ROS1: variants seen among roughly 807,000 people sequenced by gnomAD.
ROS1 encodes proto-oncogene tyrosine-protein kinase ROS.
A neutral mutation model predicts 273.5 loss-of-function variants in ROS1; 263 were observed. The ratio of observed to expected loss-of-function variants is 0.96; its 90% confidence interval spans 0.87 to 1.06. The LOEUF (loss-of-function observed/expected upper bound fraction) is 1.06. ROS1 is among the 50% of genes least tolerant of loss of function. The probability of loss-of-function intolerance (pLI) is 0.00; values close to 1 mark genes in which losing one functional copy is unlikely to be tolerated. For missense variants in ROS1, 2,833 were observed against 2,751.1 expected (o/e 1.03, Z -0.67); for synonymous variants, 1,008 against 954.1 (o/e 1.06, Z -1.04).
chr6:117,344,186 G>A lies in ROS1; in HGVS notation c.4380C>T (p.Ile1460=), dbSNP rs372696529. ...ILNATNTSLT[I]RLPLAKTNLT... is the part of the protein sequence containing the mutation. ...GGTTTGTCTTGGCCAGAGGTAATCT[G>A]ATTGTGAGGCTAGTGTTAGTGGCAT... The change falls in exon 28 of 44, where the codon ATC becomes ATT. Residue 1460 remains isoleucine, a synonymous_variant. Transcript: ENST00000368507. 33 of 1,613,988 alleles carry A rather than the reference G, an allele frequency of 2.0e-5. No individual in the cohort carries two copies. The African/African-American group carries it at 3.7e-4, about 18-fold the overall frequency.
chr6:117,366,222 A>C lies in ROS1; in HGVS notation c.2651T>G (p.Met884Arg), dbSNP rs763350500. The C allele has an allele frequency of 1.2e-6, 2 of 1,614,100 alleles. No homozygotes were observed. The highest frequency in any genetic ancestry group is 1.7e-6 in the Non-Finnish European group (2 of 1,179,984). Residue 884 changes from methionine (M) to arginine (R), a missense_variant, in exon 19 of 44, where the codon ATG becomes AGG. Met to Arg is a moderately conservative substitution (Grantham distance 91). Transcript: ENST00000368507. ...STSEISQNAL[M>R]YYSGRLFWIN... ...CCAGAACAGCCGACCACTATAGTAC[A>C]TCAGTGCATTCTGGGAAATTTCAGA...
intron 27 of ROS1, among the ~76,000 whole-genome samples, chr6:117,349,762 A>AT (rs1562299890): frequency 6.6e-6 from 1 of 151,824 alleles, no homozygotes; most frequent in East Asian, 1.9e-4. Flanking sequence ...TTTTTCAGTG[A>AT]TTTGCCCTTG....
At chr6:117,307,201 C>T (rs3777955) in intron 42 of ROS1, among the ~76,000 whole-genome samples, 34,112 of 152,016 alleles carry the variant, frequency 0.22, 3,961 homozygotes, top group African/African-American at 0.28. Context: ...TTGTTATTAA[C>T]CCCCCTGCCC....
At chr6:117,318,747 G>T (rs577341155) in intron 37 of ROS1, among the ~76,000 whole-genome samples, 2 of 152,090 alleles carry the variant, frequency 1.3e-5, no homozygotes, top group African/African-American at 2.4e-5. Context: ...GAGGCGGGAA[G>T]GGAGCTTTGA....
chr6:117,358,043 G>C (rs1037763899), intron 24 of ROS1, 34 bp from the exon 25 acceptor site: 2 of 1,439,954 alleles, frequency 1.4e-6, no homozygotes, highest in Non-Finnish European at 1.9e-6. Flanking sequence ...GCCAAGAAGA[G>C]AGTGGTTATT....
chr6:117,387,826 C>A lies in ROS1; in HGVS notation c.1953G>T (p.Arg651Ser), dbSNP rs950981570. 1.9e-6 allele frequency: 3 copies of A among 1,614,174 alleles called. No individual in the cohort carries two copies. The highest frequency in any genetic ancestry group is 2.5e-6 in the Non-Finnish European group (3 of 1,180,028). Reference sequence around the variant, plus strand: ...CTGAGGGCTCTGACCAGGGGCCTGGCCTCTTTGGAGAACTTGCTCTCACAG... The same window carrying A: ...CTGAGGGCTCTGACCAGGGGCCTGGACTCTTTGGAGAACTTGCTCTCACAG... ...KVSVRASSPK[R>S]PGPWSEPSVG... The change falls in exon 14 of 44, where the codon AGG becomes AGT. Residue 651 changes from arginine to serine, a missense_variant. By Grantham distance (110) the Arg-to-Ser change is moderately radical. Coordinates refer to ENST00000368507, the MANE Select transcript of ROS1 (RefSeq NM_001378902.1).
At chr6:117,405,964 A>G (rs1774364679) in intron 5 of ROS1, among the ~76,000 whole-genome samples, 1 of 152,196 alleles carries the variant, frequency 6.6e-6, no homozygotes. Context: ...TAATGAGAAA[A>G]GTGGTCAACT....
At chr6:117,330,065 A>T (rs966725820) in intron 32 of ROS1, among the ~76,000 whole-genome samples, 5 of 152,156 alleles carry the variant, frequency 3.3e-5, no homozygotes, top group African/African-American at 1.2e-4. Flanking sequence ...CTAACACGCT[A>T]ATCTCCCTGG....
In ROS1 at chr6:117,365,583, T is replaced by C. The variant is rs1780147707; in HGVS notation, c.2956A>G (p.Lys986Glu). 1 of 1,612,654 alleles carries C rather than the reference T, an allele frequency of 6.2e-7. No homozygotes were observed. The highest frequency in any genetic ancestry group is 8.5e-7 in the Non-Finnish European group (1 of 1,178,728). ...FYSVEFSAHS[K>E]FLASEQHSLP... ...AGTTACTAGAACCAACACCATACCT[T>C]AGAATGAGCACTAAATTCTACACTG... Residue 986 changes from lysine to glutamate, a missense_variant and splice_region_variant, in exon 20 of 44, where the codon AAG (lysine) becomes GAG (glutamate). Lys to Glu is a moderately conservative substitution (Grantham distance 56). Coordinates refer to ENST00000368507, the MANE Select transcript of ROS1 (RefSeq NM_001378902.1).
At chr6:117,324,221 C>G (rs2128574427) in intron 35 of ROS1, 111 bp downstream of exon 35, 1 of 640,528 alleles carries the variant, frequency 1.6e-6, no homozygotes, top group Non-Finnish European at 2.8e-6. Context: ...ATTTTATTAA[C>G]TTAATCAGGC....
chr6:117,421,807 G>C (rs1382850545), intron 1 of ROS1, among the ~76,000 whole-genome samples: 1 of 151,940 alleles, frequency 6.6e-6, no homozygotes. Flanking sequence ...TGGCTTTGCA[G>C]TTATTGTATA....
chr6:117,406,628 CTCAGTTCTGGTG>C lies in ROS1; in HGVS notation c.317-2212_317-2201del, dbSNP rs371963748. The stretch of plus-strand genomic sequence containing the variant: ...ATGTAAATAAAAGATTCCACACTTC[CTCAGTTCTGGTG>C]TCCTTAGTTTCTCAGAAATTTTTTT... On this transcript the variant is annotated intron_variant, in intron 5 of 43. Coordinates refer to ENST00000368507, the MANE Select transcript of ROS1 (RefSeq NM_001378902.1). Among the ~76,000 whole-genome samples, 1,512 of 152,210 alleles carry C rather than the reference CTCAGTTCTGGTG, an allele frequency of 9.9e-3. 17 individuals carry two copies. The highest frequency in any genetic ancestry group is 0.034 in the African/African-American group (1,424 of 41,546).
chr6:117,304,571 A>C (rs533923402), intron 42 of ROS1, among the ~76,000 whole-genome samples: 100 of 152,310 alleles, frequency 6.6e-4, no homozygotes, highest in African/African-American at 2.3e-3. Flanking sequence ...ACAGTTCATA[A>C]GTTTTAAATT....
At chr6:117,425,387 T>C in intron 1 of ROS1, 147 bp downstream of exon 1, 1 of 687,366 alleles carries the variant, frequency 1.5e-6, no homozygotes, top group Non-Finnish European at 2.2e-6. Flanking sequence ...CTAACTTATT[T>C]AAGAAAAAAT....
chr6:117,350,687 C>CTTTTTTTTTTTTTT (rs548987983), intron 27 of ROS1, among the ~76,000 whole-genome samples: 1 of 130,044 alleles, frequency 7.7e-6, no homozygotes, highest in African/African-American at 2.9e-5. Context: ...GGTTTTTTTC[C>CTTTTTTTTTTTTTT]TTTTTTTTTT....
chr6:117,385,025 A>T (rs1772447372), intron 16 of ROS1, among the ~76,000 whole-genome samples: 1 of 152,106 alleles, frequency 6.6e-6, no homozygotes, highest in Non-Finnish European at 1.5e-5. Context: ...CACACTTGTA[A>T]ACCGTGAGGA....
chr6:117,401,725 T>G (rs1369772674), intron 7 of ROS1, among the ~76,000 whole-genome samples: 3 of 149,784 alleles, frequency 2.0e-5, no homozygotes, highest in Non-Finnish European at 2.9e-5. Context: ...TGATAAATAC[T>G]TGAATGAATG....
intron 15 of ROS1, among the ~76,000 whole-genome samples, 182 bp downstream of exon 15, chr6:117,386,707 G>A (rs563690127): frequency 2.0e-5 from 3 of 152,288 alleles, no homozygotes; most frequent in East Asian, 1.9e-4. Context: ...AATAAATAGC[G>A]TTCCTATCTA....
intron 17 of ROS1, among the ~76,000 whole-genome samples, chr6:117,381,729 TATA>T (rs761103463): frequency 9.8e-5 from 15 of 152,300 alleles, no homozygotes; most frequent in South Asian, 8.3e-4. Flanking sequence ...GTCTTTTTGA[TATA>T]ATAACTTCTT....
Sources: allele counts gnomAD v4.1 joint callset (sites outside exome capture counted in the v4.1 genomes callset), GRCh38; gene constraint gnomAD v4.1.1; transcripts MANE v1.5; gene names NCBI Gene and HGNC (gene_info 2026-07-23, HGNC 2026-07-21).